CBR4: variants seen among roughly 807,000 people sequenced by gnomAD.
CBR4 encodes 3-oxoacyl-[acyl-carrier-protein] reductase.
CBR4 carries 22 observed loss-of-function variants against 21.0 expected under a neutral mutation model. The ratio of observed to expected loss-of-function variants is 1.05; its 90% CI spans 0.75 to 1.50. The LOEUF (loss-of-function observed/expected upper bound fraction) is 1.50, where lower values mean the gene tolerates loss of function less well. Among genes scored for constraint, CBR4 ranks in the 40% most tolerant of loss-of-function variants. The pLI is 0.00. For missense variants in CBR4, 302 were observed against 286.3 expected, an observed-to-expected ratio of 1.05 and a Z score of -0.40; for synonymous variants, 100 against 104.4, an observed-to-expected ratio of 0.96 and a Z score of 0.26.
At chr4:168,986,308 C>T (rs1327804203), downstream of CBR4, among the ~76,000 whole-genome samples, 1 of 152,112 alleles carries the variant, frequency 6.6e-6, no homozygotes, top group Non-Finnish European at 1.5e-5. Flanking sequence ...TGGAACCAAT[C>T]CCCAAAGATA....
intron 2 of CBR4, chr4:168,921,674 C>T (rs778884218): frequency 1.2e-6 from 2 of 1,609,894 alleles, no homozygotes; most frequent in Non-Finnish European, 8.5e-7. Flanking sequence ...GTGATGCCGG[C>T]ATCTACACAT....
intron 2 of CBR4, among the ~76,000 whole-genome samples, chr4:168,946,865 G>C (rs1763408183): frequency 6.6e-6 from 1 of 152,088 alleles, no homozygotes; most frequent in Non-Finnish European, 1.5e-5. Context: ...CAGTTAAAAA[G>C]TCTGTCCACA....
chr4:168,911,597 G>A (rs1235534673), intron 2 of CBR4, among the ~76,000 whole-genome samples: 3 of 152,164 alleles, frequency 2.0e-5, no homozygotes, highest in Non-Finnish European at 4.4e-5. Flanking sequence ...CATGATGGAG[G>A]TCTTCTAAGC....
rs1456010147 is a variant in CBR4, at chr4:168,915,906, G to C, written n.170-21141C>G. ...TTTCTTGTTTCAAGGCCTCGTTCTA[G>C]ATCAAGGGACAGTGGAGACGAAAAT... On this transcript the variant is annotated intron_variant and non_coding_transcript_variant, in intron 2 of 3. Coordinates refer to the CBR4 transcript ENST00000509108. The C allele has an allele frequency of 5.0e-6, 8 of 1,612,998 alleles. No homozygotes were observed. Among genetic ancestry groups the C allele is most frequent in the Non-Finnish European group, 6.8e-6 (8 of 1,179,118 alleles).
At position 169,010,246 on chromosome 4, in the gene CBR4, G is replaced by T; in HGVS notation, c.-157C>A. On this transcript the variant is annotated 5_prime_UTR_variant, in exon 1 of 5. Coordinates refer to ENST00000306193, the MANE Select transcript of CBR4 (RefSeq NM_032783.5). ...ACGCCGCTCGACACCTCCTGCAGCC[G>T]CACAATAGTAATGCAAGACGCCGTG... is the stretch of plus-strand genomic sequence containing the variant. 1 of 654,344 alleles carries T rather than the reference G, an allele frequency of 1.5e-6. No individual in the cohort carries two copies. Among genetic ancestry groups the T allele is most frequent in the Non-Finnish European group, 2.5e-6 (1 of 403,306 alleles). The allele number at this position is 654,344 out of a possible 1,614,324, so 40.5% of individuals were successfully genotyped here. A position where few individuals can be genotyped will look rare whatever the true frequency, so the allele number is the denominator to read the frequency against.
intron 2 of CBR4, among the ~76,000 whole-genome samples, chr4:168,979,428 C>T (rs1764472996): frequency 1.3e-5 from 2 of 152,074 alleles, no homozygotes; most frequent in South Asian, 4.1e-4. Context: ...CCATGTGCTA[C>T]TCCTTACTAC....
intron 2 of CBR4, among the ~76,000 whole-genome samples, chr4:168,929,626 T>G (rs894389438): frequency 2.6e-5 from 4 of 152,300 alleles, no homozygotes; most frequent in African/African-American, 9.6e-5. Context: ...TATATTATGG[T>G]GGTGAGGAAC....
At chr4:169,006,037 G>A in intron 3 of CBR4, 1 of 532,258 alleles carries the variant, frequency 1.9e-6, no homozygotes, top group Non-Finnish European at 3.2e-6. Context: ...ATACTCCACA[G>A]CTTATCTGCC....
At chr4:168,953,605 T>A (rs905288874) in intron 2 of CBR4, among the ~76,000 whole-genome samples, 54 of 151,696 alleles carry the variant, frequency 3.6e-4, no homozygotes, top group Admixed American at 7.9e-4. Flanking sequence ...TTTTTTTTTT[T>A]ATAGAGACAG....
intron 2 of CBR4, among the ~76,000 whole-genome samples, chr4:168,974,768 T>A (rs559619496): frequency 6.6e-6 from 1 of 152,334 alleles, no homozygotes; most frequent in South Asian, 2.1e-4. Flanking sequence ...GTCTTTTCTT[T>A]ATGATATCTA....
downstream of CBR4, among the ~76,000 whole-genome samples, chr4:168,985,974 G>A (rs186563924): frequency 3.2e-4 from 48 of 151,944 alleles, no homozygotes; most frequent in Non-Finnish European, 6.2e-4. Flanking sequence ...GATGACCTGG[G>A]TGACAAAATT....
chr4:168,904,187 A>T (rs1338776473), intron 2 of CBR4: 1 of 415,814 alleles, frequency 2.4e-6, no homozygotes, highest in East Asian at 4.7e-5. Flanking sequence ...GCAGTGGTAG[A>T]CTGGACAAAG....
chr4:168,945,385 T>C (rs1763373301), intron 2 of CBR4, among the ~76,000 whole-genome samples: 1 of 152,218 alleles, frequency 6.6e-6, no homozygotes, highest in Non-Finnish European at 1.5e-5. Context: ...ATAATCTTCC[T>C]TCAGGAAAGA....
At chr4:168,916,673 A>AT (rs1202932421) in intron 2 of CBR4, among the ~76,000 whole-genome samples, 1 of 136,580 alleles carries the variant, frequency 7.3e-6, no homozygotes, top group African/African-American at 2.6e-5. Flanking sequence ...TATTCCTCCC[A>AT]TTTTCTAATT....
At chr4:168,935,811 G>C (rs1054242940) in intron 2 of CBR4, among the ~76,000 whole-genome samples, 1 of 152,226 alleles carries the variant, frequency 6.6e-6, no homozygotes, top group African/African-American at 2.4e-5. Context: ...CAGCACCTGG[G>C]GGAAGGGGTG....
At chr4:169,003,980 G>GAT (rs1374684522) in intron 3 of CBR4, among the ~76,000 whole-genome samples, 4 of 152,062 alleles carry the variant, frequency 2.6e-5, no homozygotes, top group Non-Finnish European at 5.9e-5. Flanking sequence ...AGCATTGGGA[G>GAT]ATATACCTAA....
chr4:168,928,143 C>CACTT (rs1295473263), intron 2 of CBR4: 1 of 190,508 alleles, frequency 5.2e-6, no homozygotes, highest in Non-Finnish European at 1.1e-5. Context: ...TCTTTGACCG[C>CACTT]ACTTATATGC....
intron 2 of CBR4, among the ~76,000 whole-genome samples, chr4:168,939,704 TA>T (rs1195681793): frequency 6.6e-6 from 1 of 152,102 alleles, no homozygotes; most frequent in Non-Finnish European, 1.5e-5. Flanking sequence ...ACAAAGAGAA[TA>T]AAATACTTAG....
chr4:168,987,680 G>GA lies in CBR4; in HGVS notation c.*2469dup. 2 of 979,820 alleles carry GA rather than the reference G, an allele frequency of 2.0e-6. No individual in the cohort carries two copies. The highest frequency in any genetic ancestry group is 2.4e-6 in the Non-Finnish European group (2 of 824,858). The allele number at this position is 979,820 out of a possible 1,614,324, so 60.7% of individuals were successfully genotyped here. On this transcript the variant is annotated 3_prime_UTR_variant, in exon 5 of 5. Transcript: ENST00000306193. Reference sequence around the variant, plus strand: ...TTCTCAATTTACACATATTCCTTTTGAAAATCTTAGAAAAAATGTTTCACC... The same window carrying GA: ...TTCTCAATTTACACATATTCCTTTTGAAAAATCTTAGAAAAAATGTTTCACC...
Sources: allele counts gnomAD v4.1 joint callset (sites outside exome capture counted in the v4.1 genomes callset), GRCh38; gene constraint gnomAD v4.1.1; transcripts MANE v1.5; gene names NCBI Gene and HGNC (gene_info 2026-07-23, HGNC 2026-07-21).